The following STK32B variants were observed in gnomAD, a reference collection of about 807,000 sequenced individuals.
The protein encoded by STK32B is serine/threonine-protein kinase 32B.
STK32B carries 43 observed loss-of-function variants against 52.6 expected under a neutral mutation model. The ratio of observed to expected loss-of-function variants is 0.82; its 90% confidence interval spans 0.64 to 1.05. The LOEUF is 1.05. STK32B is among the 50% of genes least tolerant of loss of function. STK32B has a pLI of 0.00. For missense variants in STK32B, 621 were observed against 534.6 expected (o/e 1.16, Z -1.59); for synonymous variants, 238 against 204.3 (o/e 1.17, Z -1.41).
At chr4:5,022,799 G>C in the STK32B span, among the ~76,000 whole-genome samples, 386 of 152,228 alleles carry the variant, frequency 2.5e-3, 3 homozygotes, top group African/African-American at 8.9e-3. Flanking sequence ...CAGGCACTGA[G>C]ATGGGTGAAA....
intron 4 of STK32B, among the ~76,000 whole-genome samples, chr4:5,367,001 G>A (rs1423526996): frequency 1.3e-5 from 2 of 152,086 alleles, no homozygotes; most frequent in East Asian, 1.9e-4. Context: ...TAAAATGATA[G>A]TAAGTAGTGA....
At chr4:5,456,989 G>A in intron 8 of STK32B, 66 bp downstream of exon 8, 2 of 1,169,636 alleles carry the variant, frequency 1.7e-6, no homozygotes, top group Non-Finnish European at 2.4e-6. Context: ...AGCCATATCA[G>A]CAAACGAAGG....
rs569385383 is a variant in STK32B at position 5,325,060 on chromosome 4, A to AGG, written c.261-6159_261-6158insGG. On this transcript the variant is annotated intron_variant, in intron 3 of 11. Coordinates refer to ENST00000282908, the MANE Select transcript of STK32B (RefSeq NM_018401.3). ...CTGCTCTAAATTTATCCTGGTATGA[A>AGG]GAAAGTTCATCCGTGAGCATGACGC... Among the ~76,000 whole-genome samples the AGG allele has an allele frequency of 1.6e-4, 24 of 152,302 alleles. No homozygotes were observed. The East Asian group carries it at 4.4e-3, about 28-fold the overall frequency.
intron 3 of STK32B, among the ~76,000 whole-genome samples, chr4:5,248,119 G>C (rs925972701): frequency 1.3e-5 from 2 of 152,176 alleles, no homozygotes; most frequent in Non-Finnish European, 2.9e-5. Context: ...TATGCAATTT[G>C]CCATATTGCT....
At chr4:5,078,471 T>C (rs1712215832) in intron 1 of STK32B, among the ~76,000 whole-genome samples, 1 of 152,172 alleles carries the variant, frequency 6.6e-6, no homozygotes. Flanking sequence ...GGCCACATTA[T>C]TGTGAAGTTA....
At chr4:5,294,325 G>A (rs556475642) in intron 3 of STK32B, among the ~76,000 whole-genome samples, 35 of 150,632 alleles carry the variant, frequency 2.3e-4, no homozygotes, top group African/African-American at 7.5e-4. Flanking sequence ...AAATGGTAGC[G>A]TGATGGGAAT....
At chr4:5,080,044 G>A (rs181248227) in intron 1 of STK32B, among the ~76,000 whole-genome samples, 529 of 47,330 alleles carry the variant, frequency 0.011, 4 homozygotes, top group Admixed American at 0.035. Context: ...CTAATGGTAC[G>A]GCATGGTGAC....
chr4:5,451,662 G>C (rs943070890), intron 7 of STK32B, among the ~76,000 whole-genome samples: 1 of 152,128 alleles, frequency 6.6e-6, no homozygotes, highest in African/African-American at 2.4e-5. Flanking sequence ...ATGATTTTTT[G>C]TGGTGCGGGA....
At chr4:5,468,769 A>G (rs2010245) in intron 11 of STK32B, among the ~76,000 whole-genome samples, 83,985 of 151,908 alleles carry the variant, frequency 0.55, 23,494 homozygotes, top group Non-Finnish European at 0.59. Context: ...GCCAATGATA[A>G]TATCTAGAGG....
At chr4:5,200,486 C>T (rs1248815760) in intron 3 of STK32B, among the ~76,000 whole-genome samples, 1 of 152,174 alleles carries the variant, frequency 6.6e-6, no homozygotes, top group Non-Finnish European at 1.5e-5. Flanking sequence ...GTTGCTCCCA[C>T]ATGCTCCCCT....
intron 4 of STK32B, among the ~76,000 whole-genome samples, chr4:5,361,163 T>C (rs1446510332): frequency 3.3e-5 from 5 of 152,196 alleles, no homozygotes; most frequent in African/African-American, 1.2e-4. Context: ...CTATGCAGCA[T>C]GTAGAATGAT....
At chr4:5,485,133 C>T (rs1015515038) in intron 11 of STK32B, among the ~76,000 whole-genome samples, 2 of 151,986 alleles carry the variant, frequency 1.3e-5, no homozygotes, top group Admixed American at 1.3e-4. Context: ...TGAATGTTGG[C>T]CTGTCTTGCT....
chr4:5,263,700 G>A (rs555367493), intron 3 of STK32B, among the ~76,000 whole-genome samples: 5 of 152,218 alleles, frequency 3.3e-5, no homozygotes, highest in Middle Eastern at 3.4e-3. Context: ...TGATTTTGAC[G>A]TGTGTATTCA....
At chr4:5,272,275 G>A (rs1727494487) in intron 3 of STK32B, among the ~76,000 whole-genome samples, 1 of 147,828 alleles carries the variant, frequency 6.8e-6, no homozygotes. Context: ...TGTGGTTTTT[G>A]TCTTTGGCTC....
rs201942952 is a variant in STK32B, at chr4:5,102,436, G to GCTTCCTTCCTTCCTTC, written c.53-37427_53-37412dup. ...CTTTCTTTCCTTCTTCTCCTTCCTT[G>GCTTCCTTCCTTCCTTC]CTTCCTTCCTTCCTTCCTTCCTTCC... On this transcript the variant is annotated intron_variant, in intron 1 of 11. Coordinates refer to ENST00000282908, the MANE Select transcript of STK32B (RefSeq NM_018401.3). 1.9e-3 allele frequency among the ~76,000 whole-genome samples: 195 copies of GCTTCCTTCCTTCCTTC among 105,248 alleles called. 1 individual carries two copies. The highest frequency in any genetic ancestry group is 0.011 in the Middle Eastern group (2 of 190). 69.0% of individuals were successfully genotyped at this position (105,248 alleles called of 152,430 possible).
intron 11 of STK32B, among the ~76,000 whole-genome samples, chr4:5,489,295 C>A (rs1200222369): frequency 6.6e-6 from 1 of 152,084 alleles, no homozygotes; most frequent in Non-Finnish European, 1.5e-5. Flanking sequence ...CAAGTTTTTT[C>A]TCTATTAATA....
chr4:5,025,129 C>CT, the STK32B span, among the ~76,000 whole-genome samples: 20 of 152,032 alleles, frequency 1.3e-4, no homozygotes, highest in African/African-American at 4.8e-4. Context: ...TCCTTGACAC[C>CT]CTTCCCCCTT....
At chr4:5,244,310 T>G (rs898043902) in intron 3 of STK32B, among the ~76,000 whole-genome samples, 2 of 152,056 alleles carry the variant, frequency 1.3e-5, no homozygotes, top group Non-Finnish European at 2.9e-5. Flanking sequence ...CTTGGGAGGG[T>G]GTATGTGTTG....
At chr4:5,402,079 A>G (rs1737329817) in intron 5 of STK32B, among the ~76,000 whole-genome samples, 1 of 152,230 alleles carries the variant, frequency 6.6e-6, no homozygotes, top group Admixed American at 6.5e-5. Flanking sequence ...TCATGGCCAT[A>G]GCAGGAGCAA....
Sources: gnomAD v4.1 joint callset for allele counts (sites outside exome capture counted in the v4.1 genomes callset) on GRCh38, gnomAD v4.1.1 for gene constraint, MANE v1.5 for transcripts, NCBI Gene and HGNC (gene_info 2026-07-23, HGNC 2026-07-21) for gene names.